The following FGF14 variants were observed in gnomAD, a reference collection of about 807,000 sequenced individuals.
FGF14 encodes fibroblast growth factor homologous factor 4.
FGF14 carries 5 observed loss-of-function variants against 25.5 expected under a neutral mutation model. The observed-to-expected ratio is 0.20, with a 90% CI of 0.10 to 0.41. The LOEUF is 0.41. Ranked by LOEUF, FGF14 falls within the 10% of genes least tolerant of loss-of-function variation. The pLI is 1.00. For missense variants in FGF14, 222 were observed against 320.1 expected (o/e 0.69, Z 2.34); for synonymous variants, 138 against 118.3 (o/e 1.17, Z -1.08).
intron 3 of FGF14, among the ~76,000 whole-genome samples, chr13:101,813,879 A>C (rs1230587250): frequency 1.3e-5 from 2 of 152,232 alleles, no homozygotes; most frequent in African/African-American, 4.8e-5. Context: ...AGGGGATTCG[A>C]GGAACCAAAA....
intron 1 of FGF14, among the ~76,000 whole-genome samples, chr13:102,220,808 G>A (rs2050577898): frequency 6.6e-6 from 1 of 152,188 alleles, no homozygotes; most frequent in Admixed American, 6.5e-5. Context: ...GATTATACAA[G>A]TTAACATCAG....
chr13:102,346,212 A>G (rs543467642), intron 1 of FGF14, among the ~76,000 whole-genome samples: 1 of 152,330 alleles, frequency 6.6e-6, no homozygotes, highest in East Asian at 1.9e-4. Context: ...ATGGTAGGAT[A>G]AAGTAGACCT....
intron 1 of FGF14, among the ~76,000 whole-genome samples, chr13:102,396,519 TC>T (rs1357125711): frequency 1.3e-5 from 2 of 152,194 alleles, no homozygotes; most frequent in Non-Finnish European, 2.9e-5. Flanking sequence ...TAAAAACACT[TC>T]ACAAAAGTCT....
At chr13:101,803,260 C>A (rs1331065190) in intron 3 of FGF14, among the ~76,000 whole-genome samples, 2 of 151,606 alleles carry the variant, frequency 1.3e-5, no homozygotes, top group African/African-American at 4.8e-5. Context: ...TCCCAAGCAA[C>A]TGGGACCACA....
At chr13:102,199,648 C>A (rs1429963343) in intron 1 of FGF14, among the ~76,000 whole-genome samples, 1 of 152,080 alleles carries the variant, frequency 6.6e-6, no homozygotes, top group East Asian at 1.9e-4. Context: ...GTACAAAAGA[C>A]CTCTAACCCA....
chr13:101,947,376 T>C (rs772998335), intron 1 of FGF14, among the ~76,000 whole-genome samples: 7 of 152,170 alleles, frequency 4.6e-5, no homozygotes, highest in South Asian at 2.1e-4. Flanking sequence ...AAAAGACACA[T>C]GCATTTGTAT....
rs760785844 is a variant in FGF14, at chr13:101,726,593, A to G, written c.607+19T>C. 6.2e-7 allele frequency: 1 copy of G among 1,607,388 alleles called. No individual in the cohort carries two copies. The highest frequency in any genetic ancestry group is 8.5e-7 in the Non-Finnish European group (1 of 1,174,208). Reference sequence around the variant, plus strand: ...TATGTAATAAGTCTATGTAATAATAATGCATGCATAATACTCACCTTCCAA... The same window carrying G: ...TATGTAATAAGTCTATGTAATAATAGTGCATGCATAATACTCACCTTCCAA... On this transcript the variant is annotated intron_variant, in intron 4 of 4. Transcript: ENST00000376143.
chr13:102,200,332 A>AC (rs1226450688), intron 1 of FGF14, among the ~76,000 whole-genome samples: 1 of 152,220 alleles, frequency 6.6e-6, no homozygotes, highest in East Asian at 1.9e-4. Context: ...AACAATCATT[A>AC]CTGTTGCTAA....
At chr13:102,322,836 C>A (rs1041148305) in intron 1 of FGF14, among the ~76,000 whole-genome samples, 3 of 151,898 alleles carry the variant, frequency 2.0e-5, no homozygotes, top group Non-Finnish European at 2.9e-5. Context: ...CATACATTCC[C>A]GTACTGTCCC....
chr13:102,133,280 G>A (rs1235057903), intron 1 of FGF14, among the ~76,000 whole-genome samples: 1 of 152,154 alleles, frequency 6.6e-6, no homozygotes, highest in Non-Finnish European at 1.5e-5. Context: ...AATCTGATCA[G>A]GTTGGAATAG....
intron 3 of FGF14, among the ~76,000 whole-genome samples, chr13:101,743,707 T>C (rs918034597): frequency 1.6e-4 from 25 of 152,190 alleles, no homozygotes; most frequent in Non-Finnish European, 2.4e-4. Context: ...AAGTTTGATG[T>C]TCTTTTGAAA....
chr13:102,037,024 C>G (rs16951720), intron 1 of FGF14, among the ~76,000 whole-genome samples: 4 of 151,932 alleles, frequency 2.6e-5, no homozygotes, highest in African/African-American at 7.3e-5. Context: ...TAGTCATCAC[C>G]CTAATGGATA....
At chr13:101,903,209 C>T (rs1161062181) in intron 1 of FGF14, among the ~76,000 whole-genome samples, 1 of 151,636 alleles carries the variant, frequency 6.6e-6, no homozygotes, top group Admixed American at 6.6e-5. Flanking sequence ...ATTTAAGTTA[C>T]AGATCAGAGT....
chr13:101,758,055 G>T (rs2037774821), intron 3 of FGF14, among the ~76,000 whole-genome samples: 1 of 152,130 alleles, frequency 6.6e-6, no homozygotes, highest in Non-Finnish European at 1.5e-5. Flanking sequence ...GCAACCTGTG[G>T]ATTCTCTTGA....
chr13:101,882,112 A>C (rs2045741976), intron 1 of FGF14, among the ~76,000 whole-genome samples: 1 of 151,918 alleles, frequency 6.6e-6, no homozygotes, highest in South Asian at 2.1e-4. Context: ...AATTTAATAC[A>C]CAGATTTAAC....
intron 3 of FGF14, among the ~76,000 whole-genome samples, chr13:101,781,008 T>C (rs1029487558): frequency 3.9e-5 from 6 of 152,130 alleles, no homozygotes; most frequent in African/African-American, 7.2e-5. Context: ...CATGTCCATC[T>C]TCCTAATGAT....
At position 101,875,268 on chromosome 13, in the gene FGF14, C is replaced by G. The variant is rs1210934865; in HGVS notation, c.222G>C (p.Arg74Ser). 6.2e-7 allele frequency: 1 copy of G among 1,613,304 alleles called. No individual in the cohort carries two copies. The highest frequency in any genetic ancestry group is 8.5e-7 in the Non-Finnish European group (1 of 1,179,432). ...AGTAGTAGCCTTGCCTGCAATATAACCTGGTCACTATACCCTTGAGCTGGG... is the reference window on the plus strand; with the variant it reads ...AGTAGTAGCCTTGCCTGCAATATAAGCTGGTCACTATACCCTTGAGCTGGG... ...QDPQLKGIVT[R>S]LYCRQGYYLQ... The change falls in exon 2 of 5, where the codon AGG (arginine) becomes AGC (serine). Residue 74 changes from arginine to serine, a missense_variant. Physicochemically the swap from Arg to Ser is moderately radical, Grantham distance 110. Around this residue, in one of 5 missense-constraint regions of FGF14, gnomAD observed 50 missense variants for 75.2 expected, o/e 0.66. Transcript: ENST00000376143.
intron 1 of FGF14, among the ~76,000 whole-genome samples, chr13:102,246,688 T>C (rs1271389492): frequency 6.6e-6 from 1 of 151,960 alleles, no homozygotes; most frequent in Non-Finnish European, 1.5e-5. Context: ...ATGCTGTTCC[T>C]ATCAAACTAC....
intron 3 of FGF14, among the ~76,000 whole-genome samples, chr13:101,834,999 C>G (rs1438877178): frequency 6.6e-6 from 1 of 152,006 alleles, no homozygotes; most frequent in Non-Finnish European, 1.5e-5. Flanking sequence ...CAGAGGTTAA[C>G]TATGATGGCC....
Sources: allele counts gnomAD v4.1 joint callset (sites outside exome capture counted in the v4.1 genomes callset), GRCh38; gene constraint gnomAD v4.1.1; regional missense constraint gnomAD v4.1.1; transcripts MANE v1.5; gene names NCBI Gene and HGNC (gene_info 2026-07-23, HGNC 2026-07-21).